PTDSS1: variants seen among roughly 807,000 people sequenced by gnomAD.
The protein encoded by PTDSS1 is phosphatidylserine synthase 1, also known as PSS-1.
Under a neutral mutation model 70.5 loss-of-function variants are expected in PTDSS1, and 45 were observed. The ratio of observed to expected loss-of-function variants is 0.64; its 90% CI spans 0.50 to 0.82. The LOEUF is 0.82. Ranked by LOEUF, PTDSS1 falls within the 40% of genes least tolerant of loss-of-function variation. PTDSS1 has a pLI of 0.00. For synonymous variants in PTDSS1, 188 were observed against 203.8 expected, an observed-to-expected ratio of 0.92 and a Z score of 0.66; for missense variants, 417 against 586.1, an observed-to-expected ratio of 0.71 and a Z score of 2.98.
rs999024886 is a variant in PTDSS1 at position 96,284,241 on chromosome 8, C to T, written c.316+88C>T. 16 of 1,220,288 alleles carry T rather than the reference C, an allele frequency of 1.3e-5. No individual in the cohort carries two copies. The African/African-American group carries it at 1.5e-4, about 12-fold the overall frequency. The allele number at this position is 1,220,288 out of a possible 1,614,324, so 75.6% of individuals were successfully genotyped here. On this transcript the variant is annotated intron_variant, in intron 3 of 12. Coordinates refer to ENST00000517309, the MANE Select transcript of PTDSS1 (RefSeq NM_014754.3). The stretch of plus-strand genomic sequence containing the variant: ...CTTTAAGACTTTTACTTGCTACTCT[C>T]AATAGTTAAAACTTTATTCTAGCTT...
chr8:96,306,369 A>G, intron 7 of PTDSS1, 75 bp from the exon 8 acceptor site: 1 of 1,022,828 alleles, frequency 9.8e-7, no homozygotes, highest in Non-Finnish European at 1.5e-6. Flanking sequence ...CTAATTGTAG[A>G]ATGTCTATTT....
Position 96,320,275 on chromosome 8 carries a change from G to C in PTDSS1, c.1103G>C (p.Cys368Ser). 1 of 1,612,404 alleles carries C rather than the reference G, an allele frequency of 6.2e-7. No homozygotes were observed. Among genetic ancestry groups the C allele is most frequent in the Non-Finnish European group, 8.5e-7 (1 of 1,178,456 alleles). ...ATTGGTTTCCTGGAGGCCATTGTTT[G>C]CATAAAATTTGGACAAGATCTCTTC... is the stretch of plus-strand genomic sequence containing the variant. ...GVIGFLEAIVCIKFGQDLFSK... is the reference protein window; with the variant it reads ...GVIGFLEAIVSIKFGQDLFSK... The change falls in exon 10 of 13, where the codon TGC becomes TCC. Residue 368 changes from cysteine (C) to serine (S), a missense_variant. By Grantham distance (112) the Cys-to-Ser change is moderately radical. This residue lies in a region of PTDSS1 where 272 missense variants were observed against 429.5 expected (regional missense o/e 0.63). Transcript: ENST00000517309.
At chr8:96,275,335 T>A (rs1563562254) in intron 2 of PTDSS1, among the ~76,000 whole-genome samples, 1 of 152,090 alleles carries the variant, frequency 6.6e-6, no homozygotes, top group Non-Finnish European at 1.5e-5. Flanking sequence ...TTTTATATTT[T>A]TTGTAGATAG....
intron 5 of PTDSS1, among the ~76,000 whole-genome samples, chr8:96,297,339 C>G (rs1810990058): frequency 6.6e-6 from 1 of 152,054 alleles, no homozygotes; most frequent in Non-Finnish European, 1.5e-5. Context: ...CCACCACACC[C>G]AGCTAACTTT....
chr8:96,305,912 C>T (rs1275727058), intron 7 of PTDSS1, among the ~76,000 whole-genome samples: 1 of 152,176 alleles, frequency 6.6e-6, no homozygotes, highest in Non-Finnish European at 1.5e-5. Flanking sequence ...AACAACTTAC[C>T]TCAGGCGATC....
At chr8:96,299,181 CTATT>C (rs1811017139) in intron 5 of PTDSS1, among the ~76,000 whole-genome samples, 1 of 152,136 alleles carries the variant, frequency 6.6e-6, no homozygotes, top group African/African-American at 2.4e-5. Flanking sequence ...GTGAGATTTC[CTATT>C]AAGCTGTCAT....
intron 12 of PTDSS1, among the ~76,000 whole-genome samples, chr8:96,332,219 T>G (rs982235599): frequency 6.6e-6 from 1 of 152,136 alleles, no homozygotes; most frequent in African/African-American, 2.4e-5. Flanking sequence ...TTCAAAGAAT[T>G]AGACTTGTAG....
In PTDSS1 at chr8:96,299,752, T is replaced by C. The variant is rs1811025351; in HGVS notation, c.659T>C (p.Leu220Pro). 6.2e-7 allele frequency: 1 copy of C among 1,614,090 alleles called. No homozygotes were observed. Among genetic ancestry groups the C allele is most frequent in the African/African-American group, 1.3e-5 (1 of 74,934 alleles). ...FAECWWDQVI[L>P]DILLCNGGGI... The stretch of plus-strand genomic sequence containing the variant: ...GAGTGCTGGTGGGATCAAGTCATTC[T>C]GGACATCCTGTTGTGCAATGGCGGT... Residue 220 changes from leucine (L) to proline (P), a missense_variant, in exon 6 of 13, where the codon CTG becomes CCG. Coordinates refer to ENST00000517309, the MANE Select transcript of PTDSS1 (RefSeq NM_014754.3).
At chr8:96,333,403 A>G in intron 12 of PTDSS1, 54 bp from the exon 13 acceptor site, 4 of 1,511,708 alleles carry the variant, frequency 2.6e-6, no homozygotes, top group South Asian at 2.3e-5. Flanking sequence ...GGAAAGGGAC[A>G]GTCACCAATC....
chr8:96,310,390 C>CT (rs1811192641), intron 9 of PTDSS1, among the ~76,000 whole-genome samples: 1 of 151,570 alleles, frequency 6.6e-6, no homozygotes, highest in Non-Finnish European at 1.5e-5. Flanking sequence ...GTTTCTAACT[C>CT]TGACCTCATG....
chr8:96,316,354 G>A (rs578221322), intron 9 of PTDSS1, among the ~76,000 whole-genome samples: 1 of 152,298 alleles, frequency 6.6e-6, no homozygotes, highest in East Asian at 1.9e-4. Flanking sequence ...TAAAGCAAAT[G>A]TGGTACATAG....
chr8:96,269,590 T>C (rs1192760095), intron 1 of PTDSS1, among the ~76,000 whole-genome samples: 1 of 152,180 alleles, frequency 6.6e-6, no homozygotes, highest in African/African-American at 2.4e-5. Flanking sequence ...CCACAAGTCA[T>C]GATCTTTCCT....
At chr8:96,308,242 A>G (rs947313546) in intron 8 of PTDSS1, among the ~76,000 whole-genome samples, 2 of 152,242 alleles carry the variant, frequency 1.3e-5, no homozygotes, top group Admixed American at 6.5e-5. Context: ...AAAGTACAAT[A>G]TAAGGAAATG....
At chr8:96,277,790 G>T (rs1375848800) in intron 2 of PTDSS1, among the ~76,000 whole-genome samples, 1 of 152,222 alleles carries the variant, frequency 6.6e-6, no homozygotes, top group Non-Finnish European at 1.5e-5. Flanking sequence ...AGGGAGCCTT[G>T]TGATTCTTTT....
chr8:96,322,887 A>G (rs1205884998), intron 10 of PTDSS1, among the ~76,000 whole-genome samples: 1 of 152,170 alleles, frequency 6.6e-6, no homozygotes, highest in African/African-American at 2.4e-5. Context: ...AGCCACACCA[A>G]GGTCCACTTG....
chr8:96,297,717 A>G (rs1330778384), intron 5 of PTDSS1, among the ~76,000 whole-genome samples: 1 of 152,142 alleles, frequency 6.6e-6, no homozygotes, highest in Non-Finnish European at 1.5e-5. Context: ...CTGCCCCTCC[A>G]GTAACTGTGC....
chr8:96,291,432 C>T (rs1015899451), intron 4 of PTDSS1, among the ~76,000 whole-genome samples: 1 of 151,730 alleles, frequency 6.6e-6, no homozygotes, highest in South Asian at 2.1e-4. Flanking sequence ...AGGAATTAAA[C>T]CTAAAATAGA....
rs1811026048 is a variant in PTDSS1, at chr8:96,299,786, G to T, written c.693G>T (p.Trp231Cys). 2 of 1,614,010 alleles carry T rather than the reference G, an allele frequency of 1.2e-6. No individual in the cohort carries two copies. The highest frequency in any genetic ancestry group is 1.7e-6 in the Non-Finnish European group (2 of 1,180,030). The change falls in exon 6 of 13, where the codon TGG becomes TGT. Residue 231 changes from tryptophan (W) to cysteine (C), a missense_variant. Physicochemically the swap from Trp to Cys is radical, Grantham distance 215 (BLOSUM62 -2). Around this residue, in one of 3 missense-constraint regions of PTDSS1, gnomAD observed 272 missense variants for 429.5 expected, o/e 0.63. Transcript: ENST00000517309. ...TGTTGTGCAATGGCGGTGGCATTTG[G>T]CTGGGCATGGTCGTTTGCCGGTTTT... ...DILLCNGGGI[W>C]LGMVVCRFLE... is the part of the protein sequence containing the mutation.
chr8:96,316,999 A>ATATATATATATGTATGTG (rs1368581154), intron 9 of PTDSS1, among the ~76,000 whole-genome samples: 1 of 150,676 alleles, frequency 6.6e-6, no homozygotes, highest in Admixed American at 6.6e-5. Context: ...GTCTAAATAT[A>ATATATATATATGTATGTG]TATATATATA....
Sources: gnomAD v4.1 joint callset for allele counts (sites outside exome capture counted in the v4.1 genomes callset) on GRCh38, gnomAD v4.1.1 for gene constraint, gnomAD v4.1.1 regional missense constraint, MANE v1.5 for transcripts, NCBI Gene and HGNC (gene_info 2026-07-23, HGNC 2026-07-21) for gene names.